LRP1B: variants seen among roughly 807,000 people sequenced by gnomAD.
The protein encoded by LRP1B is LDL receptor related protein 1B, also known as low-density lipoprotein receptor-related protein 1B.
A neutral mutation model predicts 556.6 loss-of-function variants in LRP1B; 217 were observed. The observed-to-expected ratio is 0.39, with a 90% CI of 0.35 to 0.44. The LOEUF (loss-of-function observed/expected upper bound fraction) is 0.44. Ranked by LOEUF, LRP1B falls within the 20% of genes least tolerant of loss-of-function variation. LRP1B has a pLI of 1.00. For missense variants in LRP1B, 5,053 were observed against 5,620.8 expected, an observed-to-expected ratio of 0.90 and a Z score of 3.23; for synonymous variants, 2,047 against 1,865.8, an observed-to-expected ratio of 1.10 and a Z score of -2.50.
At chr2:142,058,973 T>C (rs1704790530) in intron 1 of LRP1B, among the ~76,000 whole-genome samples, 1 of 152,148 alleles carries the variant, frequency 6.6e-6, no homozygotes, top group South Asian at 2.1e-4. Context: ...GGGCATGATT[T>C]ATAGGGTTTG....
At chr2:140,615,963 A>G (rs572554903) in intron 41 of LRP1B, among the ~76,000 whole-genome samples, 17 of 152,212 alleles carry the variant, frequency 1.1e-4, no homozygotes, top group African/African-American at 3.9e-4. Flanking sequence ...TACTCATTAT[A>G]GGTAGTGAGT....
chr2:140,833,594 T>C (rs1378724658), intron 31 of LRP1B, among the ~76,000 whole-genome samples: 12 of 152,236 alleles, frequency 7.9e-5, no homozygotes, highest in Non-Finnish European at 1.6e-4. Flanking sequence ...CTTGTTTATA[T>C]TACTGAGCCT....
At chr2:141,051,359 A>T (rs1411913351) in intron 10 of LRP1B, among the ~76,000 whole-genome samples, 1 of 152,146 alleles carries the variant, frequency 6.6e-6, no homozygotes, top group Non-Finnish European at 1.5e-5. Context: ...TTAAATAGCA[A>T]AGACCTGGAA....
chr2:141,431,295 C>G (rs1212956455), intron 3 of LRP1B, among the ~76,000 whole-genome samples: 2 of 152,010 alleles, frequency 1.3e-5, no homozygotes, highest in Non-Finnish European at 2.9e-5. Context: ...GGAGTCTACA[C>G]AACATTGCTG....
chr2:141,134,107 C>T (rs1701430848), intron 7 of LRP1B, among the ~76,000 whole-genome samples: 1 of 151,778 alleles, frequency 6.6e-6, no homozygotes, highest in South Asian at 2.1e-4. Flanking sequence ...CCACCGCCCA[C>T]CCTCCAACAT....
chr2:141,918,963 T>C (rs925357923), intron 1 of LRP1B, among the ~76,000 whole-genome samples: 1 of 152,162 alleles, frequency 6.6e-6, no homozygotes, highest in Admixed American at 6.5e-5. Context: ...AAGCCAGGTA[T>C]AATCACTCCT....
chr2:140,336,642 A>G (rs1265650327), intron 77 of LRP1B, among the ~76,000 whole-genome samples: 2 of 151,970 alleles, frequency 1.3e-5, no homozygotes, highest in East Asian at 3.9e-4. Context: ...GGGTAATACT[A>G]TATCTTAACA....
chr2:141,981,999 C>A (rs1214238770), intron 1 of LRP1B, among the ~76,000 whole-genome samples: 1 of 152,100 alleles, frequency 6.6e-6, no homozygotes, highest in Non-Finnish European at 1.5e-5. Context: ...AGCCCTTCAC[C>A]TTTCCAATCA....
chr2:140,934,942 T>C lies in LRP1B; in HGVS notation c.3137-11795A>G, dbSNP rs76949627. Among the ~76,000 whole-genome samples the C allele has an allele frequency of 4.6e-5, 7 of 152,258 alleles. No individual in the cohort carries two copies. In the East Asian group the frequency reaches 1.2e-3, roughly 25 times the overall value. ...AATGAAATTAGAAAGTTACTGTGTA[T>C]ACCAAGGGAAAGTCACAGGCTAAGA... is the stretch of plus-strand genomic sequence containing the variant. On this transcript the variant is annotated intron_variant, in intron 20 of 90. Coordinates refer to ENST00000389484, the MANE Select transcript of LRP1B (RefSeq NM_018557.3).
At chr2:141,482,711 A>G (rs981098985) in intron 2 of LRP1B, among the ~76,000 whole-genome samples, 1 of 152,082 alleles carries the variant, frequency 6.6e-6, no homozygotes, top group African/African-American at 2.4e-5. Flanking sequence ...TATGACCAAC[A>G]TCATAAAGTA....
chr2:140,299,140 A>G (rs1452309800), intron 83 of LRP1B, among the ~76,000 whole-genome samples: 1 of 152,064 alleles, frequency 6.6e-6, no homozygotes, highest in Non-Finnish European at 1.5e-5. Flanking sequence ...ATGAGTGTAA[A>G]TCTTACTAAG....
intron 41 of LRP1B, among the ~76,000 whole-genome samples, chr2:140,627,599 G>A (rs1355938009): frequency 6.6e-6 from 1 of 152,170 alleles, no homozygotes; most frequent in East Asian, 1.9e-4. Flanking sequence ...TTAGCTTGCA[G>A]ACAGCCTATT....
chr2:141,888,989 C>T (rs1031337081), intron 1 of LRP1B, among the ~76,000 whole-genome samples: 28 of 152,172 alleles, frequency 1.8e-4, no homozygotes, highest in African/African-American at 6.0e-4. Flanking sequence ...AATTGAATAA[C>T]CTGAAAAGCA....
intron 1 of LRP1B, among the ~76,000 whole-genome samples, chr2:142,127,374 C>A (rs1227465649): frequency 1.3e-5 from 2 of 150,548 alleles, no homozygotes; most frequent in Non-Finnish European, 3.0e-5. Context: ...CAGAATCCAT[C>A]CATCCATCCA....
At chr2:142,085,327 C>T (rs1426416452) in intron 1 of LRP1B, among the ~76,000 whole-genome samples, 1 of 152,190 alleles carries the variant, frequency 6.6e-6, no homozygotes, top group African/African-American at 2.4e-5. Context: ...ATAACAATCT[C>T]TGTCATGGCA....
At chr2:141,199,986 C>T (rs1408848823) in intron 6 of LRP1B, among the ~76,000 whole-genome samples, 2 of 152,028 alleles carry the variant, frequency 1.3e-5, no homozygotes, top group East Asian at 1.9e-4. Flanking sequence ...GGAGTGTTAA[C>T]TAGTTCAACC....
intron 66 of LRP1B, among the ~76,000 whole-genome samples, chr2:140,391,276 G>T (rs79792968): frequency 0.043 from 6,607 of 152,104 alleles, 156 homozygotes; most frequent in African/African-American, 0.047. Flanking sequence ...AAATGAAAAA[G>T]TCACAAGCAA....
At chr2:141,428,423 A>C (rs1483942682) in intron 3 of LRP1B, among the ~76,000 whole-genome samples, 1 of 152,196 alleles carries the variant, frequency 6.6e-6, no homozygotes, top group African/African-American at 2.4e-5. Flanking sequence ...ATTTAAAAAA[A>C]AATCTAATGC....
intron 3 of LRP1B, among the ~76,000 whole-genome samples, chr2:141,390,602 A>C (rs1475999277): frequency 1.3e-5 from 2 of 152,240 alleles, no homozygotes; most frequent in Non-Finnish European, 1.5e-5. Context: ...TCAGACATAA[A>C]TAGGAATGAA....
Sources: gnomAD v4.1 joint callset for allele counts (sites outside exome capture counted in the v4.1 genomes callset) on GRCh38, gnomAD v4.1.1 for gene constraint, MANE v1.5 for transcripts, NCBI Gene and HGNC (gene_info 2026-07-23, HGNC 2026-07-21) for gene names.